Variants in CLPB observed in about 807,000 individuals in gnomAD.
CLPB encodes ClpB family mitochondrial disaggregase.
A neutral mutation model predicts 78.4 loss-of-function variants in CLPB; 40 were observed. That is an observed-to-expected ratio of 0.51 (90% CI 0.40 to 0.66). CLPB has a LOEUF of 0.66. Among genes scored for constraint, CLPB ranks in the 30% least tolerant of loss-of-function variants. The pLI is 0.00. For missense variants in CLPB, 780 were observed against 886.9 expected (o/e 0.88, Z 1.53); for synonymous variants, 333 against 348.0 (o/e 0.96, Z 0.48).
At chr11:72,432,638 A>G (rs1037571789) in intron 1 of CLPB, among the ~76,000 whole-genome samples, 3 of 152,230 alleles carry the variant, frequency 2.0e-5, no homozygotes, top group Non-Finnish European at 2.9e-5. Context: ...AAATGCTGGA[A>G]GTTATAGGAT....
intron 3 of CLPB, among the ~76,000 whole-genome samples, chr11:72,395,061 C>T (rs1050366266): frequency 3.3e-5 from 5 of 152,322 alleles, no homozygotes; most frequent in African/African-American, 1.2e-4. Context: ...CCAATCAAAT[C>T]CTGCCCAACT....
At chr11:72,323,686 A>G (rs1267086658) in intron 6 of CLPB, among the ~76,000 whole-genome samples, 7 of 151,998 alleles carry the variant, frequency 4.6e-5, no homozygotes, top group African/African-American at 1.7e-4. Context: ...ACCATTCCAG[A>G]TTAAAGAAGG....
chr11:72,394,760 G>A (rs902974586), intron 3 of CLPB, among the ~76,000 whole-genome samples: 1 of 152,186 alleles, frequency 6.6e-6, no homozygotes, highest in African/African-American at 2.4e-5. Context: ...TGGGAGAAAC[G>A]TCAAGCCCAA....
chr11:72,369,889 A>G (rs1417078622), intron 4 of CLPB, among the ~76,000 whole-genome samples: 2 of 152,190 alleles, frequency 1.3e-5, no homozygotes, highest in Non-Finnish European at 2.9e-5. Flanking sequence ...GATACTAGGG[A>G]GCAGTGCAGT....
intron 2 of CLPB, among the ~76,000 whole-genome samples, chr11:72,403,807 G>A (rs1383822953): frequency 6.6e-6 from 1 of 152,142 alleles, no homozygotes; most frequent in Non-Finnish European, 1.5e-5. Flanking sequence ...AGAATTTAAA[G>A]TATCCCACTA....
In CLPB at chr11:72,294,361, T is replaced by A. The variant is rs1949510719; in HGVS notation, c.1644A>T (p.Gln548His). 2 of 1,614,038 alleles carry A rather than the reference T, an allele frequency of 1.2e-6. No individual in the cohort carries two copies. The highest frequency in any genetic ancestry group is 1.1e-5 in the South Asian group (1 of 91,084). Residue 548 changes from glutamine (Q) to histidine (H), a missense_variant, in exon 14 of 16, where the codon CAA becomes CAT. Coordinates refer to ENST00000538039, the MANE Select transcript of CLPB (RefSeq NM_001258392.3). ...FLPFCHSELIQLVNKELNFWA... is the reference protein window; with the variant it reads ...FLPFCHSELIHLVNKELNFWA... ...AGAAGTTTAGTTCCTTGTTGACGAG[T>A]TGGATGAGCTCCGAGTGGCAGAAGG...
At chr11:72,403,333 CTTA>C (rs1220092201) in intron 2 of CLPB, among the ~76,000 whole-genome samples, 1 of 152,204 alleles carries the variant, frequency 6.6e-6, no homozygotes, top group Non-Finnish European at 1.5e-5. Context: ...GTCTGTCCCC[CTTA>C]TTATCTTCCA....
Position 72,340,149 on chromosome 11 carries a change from C to A in CLPB, c.776-10345G>T, listed in dbSNP as rs1950393961. Reference sequence around the variant, plus strand: ...CAACACAGACATAAACATGCTCCTGCCGTTACCTTATTGCACTCGTCACAC... The same window carrying A: ...CAACACAGACATAAACATGCTCCTGACGTTACCTTATTGCACTCGTCACAC... On this transcript the variant is annotated intron_variant, in intron 5 of 15. Transcript: ENST00000538039. Among the ~76,000 whole-genome samples the A allele has an allele frequency of 2.0e-5, 3 of 152,148 alleles. No homozygotes were observed. The South Asian group carries it at 6.2e-4, about 32-fold the overall frequency.
chr11:72,294,204 G>C, intron 14 of CLPB, 78 bp from the exon 15 acceptor site: 1 of 1,597,528 alleles, frequency 6.3e-7, no homozygotes, highest in East Asian at 2.2e-5. Context: ...CTGAGGCCAG[G>C]GCCACTGGCC....
chr11:72,342,971 G>A (rs1950448411), intron 5 of CLPB, among the ~76,000 whole-genome samples: 1 of 152,180 alleles, frequency 6.6e-6, no homozygotes, highest in Non-Finnish European at 1.5e-5. Context: ...AATCTTGATG[G>A]GTTGTCTACG....
intron 14 of CLPB, 57 bp from the exon 15 acceptor site, chr11:72,294,183 G>A: frequency 6.2e-7 from 1 of 1,606,606 alleles, no homozygotes; most frequent in Non-Finnish European, 8.5e-7. Flanking sequence ...TCCATCTCTT[G>A]CCACTCTGGC....
rs1949409583 is a variant in CLPB, at chr11:72,287,927, G to C, written c.*5440C>G. ...CTCAGGAGGTTTTATCTATTTTATT[G>C]GTGCTTTCAAAGAATTTTTTAATTT... On this transcript the variant is annotated 3_prime_UTR_variant, in exon 16 of 16. Transcript: ENST00000538039. The C allele has an allele frequency of 6.6e-6, 1 of 151,604 alleles. No individual in the cohort carries two copies. Among genetic ancestry groups the C allele is most frequent in the African/African-American group, 2.4e-5 (1 of 41,220 alleles). 9.4% of individuals were successfully genotyped at this position (151,604 alleles called of 1,614,324 possible). A position where few individuals can be genotyped will look rare whatever the true frequency, so the allele number is the denominator to read the frequency against.
At chr11:72,398,922 G>A (rs961423422) in intron 3 of CLPB, among the ~76,000 whole-genome samples, 9 of 152,134 alleles carry the variant, frequency 5.9e-5, no homozygotes, top group Non-Finnish European at 1.3e-4. Flanking sequence ...CCTGGATGTC[G>A]GCAGTCCAAG....
In CLPB at chr11:72,291,415, C is replaced by T. The variant is rs1949449847; in HGVS notation, c.*1952G>A. ...CTCCGCCTCCTGGGCTCAAGTGATT[C>T]TCCTGCCTCAGCCTCCCAAGTAGCT... On this transcript the variant is annotated 3_prime_UTR_variant, in exon 16 of 16. Coordinates refer to ENST00000538039, the MANE Select transcript of CLPB (RefSeq NM_001258392.3). 6.6e-6 allele frequency: 1 copy of T among 152,224 alleles called. No individual in the cohort carries two copies. The highest frequency in any genetic ancestry group is 2.1e-4 in the South Asian group (1 of 4,830). 9.4% of individuals were successfully genotyped at this position (152,224 alleles called of 1,614,324 possible). A position where few individuals can be genotyped will look rare whatever the true frequency, so the allele number is the denominator to read the frequency against.
rs554191734 is a variant in CLPB, at chr11:72,293,746, T to C, written c.1786-131A>G. On this transcript the variant is annotated intron_variant, in intron 15 of 15. Coordinates refer to ENST00000538039, the MANE Select transcript of CLPB (RefSeq NM_001258392.3). ...GAGCCTCAGCTTTCTCATTTGCCAA[T>C]TGGGGCTAATAACAGCTAGCTCGCA... 2.4e-4 allele frequency: 278 copies of C among 1,152,722 alleles called. 1 individual carries two copies. The African/African-American group carries it at 2.9e-3, about 12-fold the overall frequency. 71.4% of individuals were successfully genotyped at this position (1,152,722 alleles called of 1,614,324 possible).
chr11:72,356,669 C>T (rs1182514038), intron 5 of CLPB, among the ~76,000 whole-genome samples: 3 of 152,244 alleles, frequency 2.0e-5, no homozygotes, highest in Admixed American at 6.5e-5. Context: ...GCATCTGTTC[C>T]AAGTCAACAG....
intron 5 of CLPB, chr11:72,355,301 G>C (rs1950691365): frequency 6.6e-6 from 1 of 152,210 alleles, no homozygotes; most frequent in Admixed American, 6.5e-5. Context: ...ATTCAGATAA[G>C]AAAACAGGGA....
intron 4 of CLPB, among the ~76,000 whole-genome samples, chr11:72,374,814 G>A (rs918707059): frequency 1.3e-5 from 2 of 152,156 alleles, no homozygotes; most frequent in Admixed American, 6.5e-5. Context: ...CTGGTATCCT[G>A]AGTAAAGGAC....
At chr11:72,390,213 A>T (rs1450890615) in intron 3 of CLPB, among the ~76,000 whole-genome samples, 1 of 151,956 alleles carries the variant, frequency 6.6e-6, no homozygotes, top group African/African-American at 2.4e-5. Context: ...TGAGGCGAGC[A>T]GATCACTTGA....
Sources: allele counts gnomAD v4.1 joint callset (sites outside exome capture counted in the v4.1 genomes callset), GRCh38; gene constraint gnomAD v4.1.1; transcripts MANE v1.5; gene names NCBI Gene and HGNC (gene_info 2026-07-23, HGNC 2026-07-21).